Variants in GABRG3 observed in about 807,000 individuals in gnomAD.
The protein encoded by GABRG3 is gamma-aminobutyric acid receptor subunit gamma-3.
A neutral mutation model predicts 48.8 loss-of-function variants in GABRG3; 25 were observed. The ratio of observed to expected loss-of-function variants is 0.51; its 90% CI spans 0.37 to 0.72. The LOEUF (loss-of-function observed/expected upper bound fraction) is 0.72. Ranked by LOEUF, GABRG3 falls within the 30% of genes least tolerant of loss-of-function variation. The pLI, the probability that GABRG3 is intolerant of heterozygous loss-of-function variation, is 0.00. For synonymous variants in GABRG3, 227 were observed against 217.6 expected (o/e 1.04, Z -0.38); for missense variants, 394 against 577.9 (o/e 0.68, Z 3.26).
intron 5 of GABRG3, among the ~76,000 whole-genome samples, chr15:27,340,134 C>T (rs916864005): frequency 2.6e-5 from 4 of 152,092 alleles, no homozygotes; most frequent in Admixed American, 6.6e-5. Flanking sequence ...GCAAGTTATA[C>T]GATGATGGAA....
chr15:26,988,789 T>C (rs1050716236), intron 2 of GABRG3, among the ~76,000 whole-genome samples: 7 of 152,196 alleles, frequency 4.6e-5, no homozygotes, highest in Non-Finnish European at 8.8e-5. Context: ...TTTTAGTGGT[T>C]GCATTAAAGA....
intron 2 of GABRG3, among the ~76,000 whole-genome samples, chr15:27,025,280 T>C (rs1406262142): frequency 6.6e-6 from 1 of 152,178 alleles, no homozygotes; most frequent in Non-Finnish European, 1.5e-5. Flanking sequence ...ACCAGAAATC[T>C]CTCTCACTAA....
rs1298687505 is a variant in GABRG3, at chr15:27,388,353, TAAGGAAGGAAGGAAGA to T, written c.574+59481_574+59496del. Among the ~76,000 whole-genome samples the T allele has an allele frequency of 1.1e-3, 16 of 14,704 alleles. 1 individual carries two copies. Among genetic ancestry groups the T allele is most frequent in the Middle Eastern group, 0.056 (1 of 18 alleles). 9.6% of individuals were successfully genotyped at this position (14,704 alleles called of 152,430 possible). ...AAGGAAGGAAAGGTGGGAGGGAGGG[TAAGGAAGGAAGGAAGA>T]AAGGAAGGAAGGAAGGAAAGGAGGG... On this transcript the variant is annotated intron_variant, in intron 5 of 9. Transcript: ENST00000615808.
chr15:27,155,478 CTGAG>C (rs1216842106), intron 3 of GABRG3, among the ~76,000 whole-genome samples: 1 of 152,060 alleles, frequency 6.6e-6, no homozygotes, highest in Non-Finnish European at 1.5e-5. Flanking sequence ...GTAGAATGGG[CTGAG>C]TGTTTTTCAG....
At chr15:27,497,597 A>T (rs984615767) in intron 6 of GABRG3, among the ~76,000 whole-genome samples, 1 of 152,320 alleles carries the variant, frequency 6.6e-6, no homozygotes, top group South Asian at 2.1e-4. Flanking sequence ...AAAAAGCTTA[A>T]ATGTGAAAAT....
intron 3 of GABRG3, among the ~76,000 whole-genome samples, chr15:27,137,199 C>A (rs561984100): frequency 6.6e-6 from 1 of 152,192 alleles, no homozygotes; most frequent in African/African-American, 2.4e-5. Context: ...CACACTCCCA[C>A]GGTTAGTCTT....
chr15:27,186,507 T>G (rs1008237191), intron 3 of GABRG3, among the ~76,000 whole-genome samples: 13 of 152,190 alleles, frequency 8.5e-5, no homozygotes, highest in African/African-American at 2.7e-4. Context: ...GTAGAATGAT[T>G]TAGTTTCCTT....
rs182442296 is a variant in GABRG3 at position 27,532,806 on chromosome 15, G to A, written c.1329G>A (p.Ser443=). The change falls in exon 10 of 10, where the codon TCG becomes TCA. Residue 443 remains serine, a synonymous_variant. Transcript: ENST00000615808. The part of the protein sequence containing the change: ...RIHIDILELD[S]YSRVFFPTSF... ...ACATAGACATCTTGGAGCTGGACTC[G>A]TACTCCCGGGTCTTTTTCCCCACGT... is the stretch of plus-strand genomic sequence containing the variant. 19 of 1,613,834 alleles carry A rather than the reference G, an allele frequency of 1.2e-5. No individual in the cohort carries two copies. The highest frequency in any genetic ancestry group is 3.3e-5 in the South Asian group (3 of 91,074).
chr15:27,232,770 A>G (rs1889839169), intron 3 of GABRG3, among the ~76,000 whole-genome samples: 3 of 152,228 alleles, frequency 2.0e-5, no homozygotes, highest in South Asian at 4.1e-4. Flanking sequence ...ATTTTCTACT[A>G]ATAAACATTT....
chr15:27,138,045 C>G (rs1191943413), intron 3 of GABRG3, among the ~76,000 whole-genome samples: 1 of 152,146 alleles, frequency 6.6e-6, no homozygotes, highest in Non-Finnish European at 1.5e-5. Context: ...TATTCCTACC[C>G]TATATTATTT....
intron 5 of GABRG3, among the ~76,000 whole-genome samples, chr15:27,334,221 T>A (rs1240066148): frequency 6.6e-6 from 1 of 152,192 alleles, no homozygotes; most frequent in Non-Finnish European, 1.5e-5. Flanking sequence ...GACAAAATGT[T>A]AAGAATGCCA....
chr15:27,066,035 A>G lies in GABRG3; in HGVS notation c.270+39214A>G, dbSNP rs1054240442. On this transcript the variant is annotated intron_variant, in intron 3 of 9. Transcript: ENST00000615808. Reference sequence around the variant, plus strand: ...ACTGATTTTGCATGATCATACTCCTATACTGTTGCTCAATGATAGCTGAAA... The same window carrying G: ...ACTGATTTTGCATGATCATACTCCTGTACTGTTGCTCAATGATAGCTGAAA... Among the ~76,000 whole-genome samples, 40 of 152,196 alleles carry G rather than the reference A, an allele frequency of 2.6e-4. 1 individual carries two copies. Among genetic ancestry groups the G allele is most frequent in the African/African-American group, 8.7e-4 (36 of 41,442 alleles).
rs573259414 is a variant in GABRG3 at position 27,395,987 on chromosome 15, C to T, written c.574+67099C>T. On this transcript the variant is annotated intron_variant, in intron 5 of 9. Coordinates refer to ENST00000615808, the MANE Select transcript of GABRG3 (RefSeq NM_033223.5). ...GGGATCCTCCCACCTCAGCCTCCCA[C>T]GTAGCTGGGACCACAAGTGCACATC... Among the ~76,000 whole-genome samples, 5 of 152,162 alleles carry T rather than the reference C, an allele frequency of 3.3e-5. No homozygotes were observed. In the East Asian group the frequency reaches 5.8e-4, roughly 18 times the overall value.
rs1894893830 is a variant in GABRG3 at position 26,974,138 on chromosome 15, G to A, written c.53+2550G>A. On this transcript the variant is annotated intron_variant, in intron 1 of 9. Coordinates refer to ENST00000615808, the MANE Select transcript of GABRG3 (RefSeq NM_033223.5). The surrounding 1 kb of genome is among the most constrained non-coding windows in gnomAD (Gnocchi z 4.3). Reference sequence around the variant, plus strand: ...ACTGCCCAGGGACCTAGAGCATCTCGGCCTCACTCTGCCCACTGCCTACCC... The same window carrying A: ...ACTGCCCAGGGACCTAGAGCATCTCAGCCTCACTCTGCCCACTGCCTACCC... 1.3e-5 allele frequency among the ~76,000 whole-genome samples: 2 copies of A among 152,070 alleles called. No individual in the cohort carries two copies. Among genetic ancestry groups the A allele is most frequent in the African/African-American group, 2.4e-5 (1 of 41,386 alleles).
At chr15:27,303,782 A>G (rs1892297087) in intron 3 of GABRG3, among the ~76,000 whole-genome samples, 1 of 151,422 alleles carries the variant, frequency 6.6e-6, no homozygotes, top group African/African-American at 2.4e-5. Context: ...ACATCTATGT[A>G]TATACATATA....
chr15:27,409,075 A>C (rs76754482), intron 5 of GABRG3, among the ~76,000 whole-genome samples: 9,457 of 152,020 alleles, frequency 0.062, 324 homozygotes, highest in Middle Eastern at 0.13. Context: ...TTTTATCCTA[A>C]TACCAGGGTT....
chr15:27,262,526 CATCT>C (rs1890798398), intron 3 of GABRG3, among the ~76,000 whole-genome samples: 1 of 152,182 alleles, frequency 6.6e-6, no homozygotes, highest in African/African-American at 2.4e-5. Flanking sequence ...GCCCCTACCC[CATCT>C]GAGTATTGAG....
chr15:26,993,151 AAAAC>A (rs1895277861), intron 2 of GABRG3, among the ~76,000 whole-genome samples: 1 of 151,966 alleles, frequency 6.6e-6, no homozygotes, highest in Non-Finnish European at 1.5e-5. Context: ...TCTTTTCAAA[AAAAC>A]CAACTTTTTG....
At chr15:27,074,341 A>AAG (rs1319151980) in intron 3 of GABRG3, among the ~76,000 whole-genome samples, 1 of 147,598 alleles carries the variant, frequency 6.8e-6, no homozygotes, top group Non-Finnish European at 1.5e-5. Flanking sequence ...TCAGAGCCCC[A>AAG]AGAGAGAGAG....
Sources: gnomAD v4.1 joint callset for allele counts (sites outside exome capture counted in the v4.1 genomes callset) on GRCh38, gnomAD v4.1.1 for gene constraint, Gnocchi (gnomAD v3.1) non-coding constraint, MANE v1.5 for transcripts, NCBI Gene and HGNC (gene_info 2026-07-23, HGNC 2026-07-21) for gene names.